Variants in WWOX observed in about 807,000 individuals in gnomAD.
The protein encoded by WWOX is WW domain containing oxidoreductase, also known as WW domain-containing oxidoreductase.
Under a neutral mutation model 46.2 loss-of-function variants are expected in WWOX, and 69 were observed. The observed-to-expected ratio is 1.49, with a 90% confidence interval of 1.23 to 1.82. The LOEUF (loss-of-function observed/expected upper bound fraction) is 1.82. Ranked by LOEUF, WWOX falls within the 40% of genes most tolerant of loss-of-function variation. The probability of loss-of-function intolerance (pLI) is 0.00; values close to 1 mark genes in which losing one functional copy is unlikely to be tolerated. For missense variants in WWOX, 919 were observed against 542.6 expected, an observed-to-expected ratio of 1.69 and a Z score of -6.89; for synonymous variants, 359 against 202.6, an observed-to-expected ratio of 1.77 and a Z score of -6.56.
intron 8 of WWOX, among the ~76,000 whole-genome samples, chr16:78,991,459 G>A (rs767124927): frequency 7.2e-5 from 11 of 151,926 alleles, no homozygotes; most frequent in Non-Finnish European, 1.6e-4. Context: ...AAATTAGCTG[G>A]GTGTGGTGGT....
At chr16:78,938,816 G>C (rs953207638) in intron 8 of WWOX, among the ~76,000 whole-genome samples, 1 of 152,280 alleles carries the variant, frequency 6.6e-6, no homozygotes, top group Non-Finnish European at 1.5e-5. Context: ...CTGGCGAGGA[G>C]AGCAGTCTAA....
At chr16:78,171,220 C>T (rs538766025) in intron 5 of WWOX, among the ~76,000 whole-genome samples, 1 of 152,148 alleles carries the variant, frequency 6.6e-6, no homozygotes, top group Non-Finnish European at 1.5e-5. Context: ...GAAACTGCCG[C>T]ATCCTGTGTT....
At chr16:78,677,727 G>C (rs1306137821) in intron 8 of WWOX, among the ~76,000 whole-genome samples, 2 of 152,156 alleles carry the variant, frequency 1.3e-5, no homozygotes, top group Non-Finnish European at 2.9e-5. Context: ...TTTGGGCACT[G>C]CCTGGCACAT....
intron 5 of WWOX, among the ~76,000 whole-genome samples, chr16:78,240,135 A>T (rs2037589111): frequency 6.6e-6 from 1 of 152,146 alleles, no homozygotes; most frequent in Non-Finnish European, 1.5e-5. Context: ...AGGTTAAATC[A>T]TTCAGGCTTT....
At chr16:79,078,884 G>A (rs1487497726) in intron 8 of WWOX, among the ~76,000 whole-genome samples, 1 of 152,116 alleles carries the variant, frequency 6.6e-6, no homozygotes, top group South Asian at 2.1e-4. Context: ...GCACATAATA[G>A]GTGCTCAATA....
chr16:78,536,011 C>G (rs186224804), intron 8 of WWOX, among the ~76,000 whole-genome samples: 2 of 152,280 alleles, frequency 1.3e-5, no homozygotes, highest in East Asian at 1.9e-4. Flanking sequence ...TATTTCCAGC[C>G]TTAGTCTTGG....
chr16:78,925,957 CTG>C (rs1369216159), intron 8 of WWOX, among the ~76,000 whole-genome samples: 2 of 152,102 alleles, frequency 1.3e-5, no homozygotes, highest in East Asian at 1.9e-4. Context: ...GGCAGAAAGA[CTG>C]TGAACCAAGA....
intron 8 of WWOX, among the ~76,000 whole-genome samples, chr16:79,091,189 C>T (rs1179913532): frequency 1.3e-5 from 2 of 152,196 alleles, no homozygotes; most frequent in African/African-American, 2.4e-5. Flanking sequence ...TTCCCCCAGA[C>T]TTTTTCCTCT....
At chr16:78,447,093 A>G (rs1300735773) in intron 8 of WWOX, among the ~76,000 whole-genome samples, 1 of 152,188 alleles carries the variant, frequency 6.6e-6, no homozygotes, top group African/African-American at 2.4e-5. Context: ...TAAGGTTTTT[A>G]GAAAGGTTTG....
intron 8 of WWOX, among the ~76,000 whole-genome samples, chr16:78,868,242 C>T (rs952391600): frequency 2.0e-5 from 3 of 152,070 alleles, no homozygotes; most frequent in Middle Eastern, 3.2e-3. Context: ...AGATGAACTT[C>T]AAAAACATTA....
chr16:78,130,716 G>A (rs959544618), intron 4 of WWOX, among the ~76,000 whole-genome samples: 10 of 152,204 alleles, frequency 6.6e-5, no homozygotes, highest in East Asian at 1.9e-4. Flanking sequence ...CCACTGCCAC[G>A]CCCTTATTCA....
intron 8 of WWOX, among the ~76,000 whole-genome samples, chr16:79,164,116 C>G (rs145903832): frequency 5.5e-4 from 83 of 152,228 alleles, no homozygotes; most frequent in African/African-American, 1.9e-3. Flanking sequence ...CTTTATGGCC[C>G]AGAAACAAGG....
At chr16:78,422,990 A>T (rs1311726100) in intron 6 of WWOX, among the ~76,000 whole-genome samples, 1 of 150,674 alleles carries the variant, frequency 6.6e-6, no homozygotes, top group Non-Finnish European at 1.5e-5. Context: ...GGTTCAAGTG[A>T]TTCTCCTGCC....
At chr16:78,208,891 T>G (rs2036474490) in intron 5 of WWOX, among the ~76,000 whole-genome samples, 1 of 152,230 alleles carries the variant, frequency 6.6e-6, no homozygotes, top group African/African-American at 2.4e-5. Context: ...AAAAATTGTC[T>G]TACAGCTTTT....
At chr16:79,123,914 C>T (rs539787344) in intron 8 of WWOX, among the ~76,000 whole-genome samples, 1 of 152,214 alleles carries the variant, frequency 6.6e-6, no homozygotes, top group South Asian at 2.1e-4. Flanking sequence ...TAAACCGATA[C>T]CCTGGGTCTC....
intron 8 of WWOX, among the ~76,000 whole-genome samples, chr16:78,462,679 T>C (rs1308651796): frequency 6.6e-6 from 1 of 152,174 alleles, no homozygotes; most frequent in Non-Finnish European, 1.5e-5. Flanking sequence ...AGAGTCATAA[T>C]TGGTGATTAG....
At chr16:78,396,662 A>G (rs760219910) in intron 6 of WWOX, among the ~76,000 whole-genome samples, 1 of 152,220 alleles carries the variant, frequency 6.6e-6, no homozygotes, top group South Asian at 2.1e-4. Flanking sequence ...AATAATGATT[A>G]TGTAAAGCAC....
chr16:78,878,901 GA>G (rs111647544), intron 8 of WWOX, among the ~76,000 whole-genome samples: 2,132 of 86,910 alleles, frequency 0.025, 50 homozygotes, highest in Admixed American at 0.11. Flanking sequence ...ACAAAAAAAT[GA>G]AAAAAAAAAA....
At chr16:79,016,274 C>T (rs2151380694) in intron 8 of WWOX, 1 of 152,308 alleles carries the variant, frequency 6.6e-6, no homozygotes, top group South Asian at 2.1e-4. Flanking sequence ...TGGAATGAAA[C>T]TGCTGCTTAA....
Sources: gnomAD v4.1 joint callset for allele counts (sites outside exome capture counted in the v4.1 genomes callset) on GRCh38, gnomAD v4.1.1 for gene constraint, MANE v1.5 for transcripts, NCBI Gene and HGNC (gene_info 2026-07-23, HGNC 2026-07-21) for gene names.